The following PTPRM variants were observed in gnomAD, a reference collection of about 807,000 sequenced individuals.
The protein encoded by PTPRM is receptor-type tyrosine-protein phosphatase mu.
PTPRM carries 47 observed loss-of-function variants against 186.7 expected under a neutral mutation model. That is an observed-to-expected ratio of 0.25 (90% CI 0.20 to 0.32). PTPRM has a LOEUF of 0.32. Among genes scored for constraint, PTPRM ranks in the 10% least tolerant of loss-of-function variants. The probability of loss-of-function intolerance (pLI) is 1.00; values close to 1 mark genes in which losing one functional copy is unlikely to be tolerated. For missense variants in PTPRM, 1,494 were observed against 1,865.0 expected (o/e 0.80, Z 3.66); for synonymous variants, 668 against 674.9 (o/e 0.99, Z 0.16).
chr18:7,974,114 G>C (rs1457338673), intron 7 of PTPRM, among the ~76,000 whole-genome samples: 1 of 152,146 alleles, frequency 6.6e-6, no homozygotes. Flanking sequence ...GTGGCAGGCA[G>C]CATGTGACCA....
chr18:8,079,043 G>A (rs2089985848), intron 9 of PTPRM, among the ~76,000 whole-genome samples: 1 of 152,202 alleles, frequency 6.6e-6, no homozygotes, highest in African/African-American at 2.4e-5. Context: ...ATTATTCTCT[G>A]TTCTCTCTTT....
Position 7,681,414 on chromosome 18 carries a change from T to G in PTPRM, c.74-92735T>G, listed in dbSNP as rs554884146. On this transcript the variant is annotated intron_variant, in intron 1 of 32. Coordinates refer to ENST00000580170, the MANE Select transcript of PTPRM (RefSeq NM_001105244.2). ...AGCACTTTTTCTTAATGAGCAAATGTGTAATTGTTGGTTTACAGGGAAGTG... is the reference window on the plus strand; with the variant it reads ...AGCACTTTTTCTTAATGAGCAAATGGGTAATTGTTGGTTTACAGGGAAGTG... Among the ~76,000 whole-genome samples the G allele has an allele frequency of 5.3e-4, 80 of 152,232 alleles. 2 individuals carry two copies. In the South Asian group the frequency reaches 0.013, roughly 25 times the overall value.
intron 19 of PTPRM, among the ~76,000 whole-genome samples, chr18:8,264,504 C>T (rs1031446859): frequency 6.6e-6 from 1 of 152,028 alleles, no homozygotes; most frequent in Non-Finnish European, 1.5e-5. Flanking sequence ...GGCGTGGTGG[C>T]TCACTCCTGT....
chr18:7,816,337 G>A (rs1217546166), intron 2 of PTPRM, among the ~76,000 whole-genome samples: 1 of 152,108 alleles, frequency 6.6e-6, no homozygotes, highest in Non-Finnish European at 1.5e-5. Flanking sequence ...CTTTTCTCTT[G>A]CATATAACCT....
intron 22 of PTPRM, among the ~76,000 whole-genome samples, chr18:8,330,078 C>T (rs2095403627): frequency 6.6e-6 from 1 of 152,208 alleles, no homozygotes; most frequent in Non-Finnish European, 1.5e-5. Flanking sequence ...GCTGGGATTA[C>T]AGGCATGAGG....
intron 7 of PTPRM, among the ~76,000 whole-genome samples, chr18:7,975,129 A>T (rs2054845947): frequency 6.6e-6 from 1 of 152,182 alleles, no homozygotes; most frequent in African/African-American, 2.4e-5. Context: ...TGCTGGGAGG[A>T]TGTGGAGCAA....
chr18:8,140,674 A>G (rs1369579418), intron 13 of PTPRM, among the ~76,000 whole-genome samples: 1 of 152,152 alleles, frequency 6.6e-6, no homozygotes, highest in African/African-American at 2.4e-5. Context: ...TGCAATGAAT[A>G]CGATACAGTA....
chr18:7,816,690 C>T (rs2044844958), intron 2 of PTPRM, among the ~76,000 whole-genome samples: 1 of 152,058 alleles, frequency 6.6e-6, no homozygotes, highest in Admixed American at 6.5e-5. Context: ...TGTTTGCTTC[C>T]TTAACACTTT....
chr18:8,168,589 A>C (rs2146424660), intron 14 of PTPRM, among the ~76,000 whole-genome samples: 1 of 152,314 alleles, frequency 6.6e-6, no homozygotes, highest in East Asian at 1.9e-4. Context: ...CACTTTTCTT[A>C]AAATAACTGT....
chr18:7,915,346 GGAGA>G (rs369927500), intron 4 of PTPRM, among the ~76,000 whole-genome samples: 2 of 151,872 alleles, frequency 1.3e-5, no homozygotes, highest in African/African-American at 2.4e-5. Context: ...CTGTAAATTT[GGAGA>G]GAGAGAGAGA....
chr18:8,336,690 G>A (rs2095441611), intron 22 of PTPRM, among the ~76,000 whole-genome samples: 3 of 17,342 alleles, frequency 1.7e-4, no homozygotes, highest in East Asian at 1.1e-3. Flanking sequence ...GAGGAAGAGA[G>A]GGGAAGGAAA....
intron 2 of PTPRM, among the ~76,000 whole-genome samples, chr18:7,870,271 T>A (rs867860942): frequency 1.3e-4 from 20 of 152,332 alleles, no homozygotes; most frequent in African/African-American, 4.8e-4. Context: ...AGTAGTGGCT[T>A]ACTTATGCTC....
intron 7 of PTPRM, among the ~76,000 whole-genome samples, chr18:7,977,442 G>T (rs540479200): frequency 1.3e-5 from 2 of 151,998 alleles, no homozygotes; most frequent in South Asian, 2.1e-4. Flanking sequence ...TCCCTCACAC[G>T]TGCACACCTT....
Position 7,705,329 on chromosome 18 carries a change from GTCTAT to G in PTPRM, c.74-68819_74-68815del, listed in dbSNP as rs1568041130. On this transcript the variant is annotated intron_variant, in intron 1 of 32. Transcript: ENST00000580170. ...TATCTATCTATCTATCTATCTATCT[GTCTAT>G]CTAGCTAGCTAGCTAGCTATCTTTC... Among the ~76,000 whole-genome samples, 124 of 129,966 alleles carry G rather than the reference GTCTAT, an allele frequency of 9.5e-4. 1 individual carries two copies. Among genetic ancestry groups the G allele is most frequent in the Admixed American group, 6.3e-3 (81 of 12,914 alleles). The allele number at this position is 129,966 out of a possible 152,430, so 85.3% of individuals were successfully genotyped here.
chr18:8,334,183 C>T (rs1196401173), intron 22 of PTPRM, among the ~76,000 whole-genome samples: 2 of 152,200 alleles, frequency 1.3e-5, no homozygotes, highest in Non-Finnish European at 2.9e-5. Context: ...ATTTATTTGT[C>T]CAACACCCTT....
chr18:7,894,560 T>C (rs1002161064), intron 3 of PTPRM, among the ~76,000 whole-genome samples: 1 of 151,972 alleles, frequency 6.6e-6, no homozygotes, highest in African/African-American at 2.4e-5. Context: ...CACTCCAGCC[T>C]AGGGGGCAGA....
At chr18:7,723,527 C>T (rs2040488941) in intron 1 of PTPRM, among the ~76,000 whole-genome samples, 1 of 152,152 alleles carries the variant, frequency 6.6e-6, no homozygotes, top group South Asian at 2.1e-4. Flanking sequence ...ATGAGACCTC[C>T]ACTGACTGTC....
At chr18:8,177,554 A>G (rs2093504012) in intron 14 of PTPRM, among the ~76,000 whole-genome samples, 1 of 152,232 alleles carries the variant, frequency 6.6e-6, no homozygotes, top group Non-Finnish European at 1.5e-5. Flanking sequence ...AAGGCTTGTT[A>G]TACTTGTTAC....
At chr18:7,926,798 G>A in intron 5 of PTPRM, 115 bp downstream of exon 5, 1 of 586,664 alleles carries the variant, frequency 1.7e-6, no homozygotes, top group East Asian at 3.2e-5. Context: ...TTCCTTCTTT[G>A]TTAATAAGTA....
Sources: gnomAD v4.1 joint callset for allele counts (sites outside exome capture counted in the v4.1 genomes callset) on GRCh38, gnomAD v4.1.1 for gene constraint, MANE v1.5 for transcripts, NCBI Gene and HGNC (gene_info 2026-07-23, HGNC 2026-07-21) for gene names.